The following TTLL11 variants were observed in gnomAD, a reference collection of about 807,000 sequenced individuals.
TTLL11 encodes the protein tubulin tyrosine ligase like 11.
A neutral mutation model predicts 51.7 loss-of-function variants in TTLL11; 42 were observed. The observed-to-expected ratio is 0.81, with a 90% CI of 0.64 to 1.05. The LOEUF is 1.05. TTLL11 is among the 50% of genes least tolerant of loss of function. TTLL11 has a pLI of 0.00. For missense variants in TTLL11, 799 were observed against 940.4 expected (o/e 0.85, Z 1.97); for synonymous variants, 381 against 383.5 (o/e 0.99, Z 0.08).
At chr9:122,057,268 A>G (rs1845311786) in intron 1 of TTLL11, among the ~76,000 whole-genome samples, 1 of 152,148 alleles carries the variant, frequency 6.6e-6, no homozygotes, top group South Asian at 2.1e-4. Context: ...TTCCAGGGAA[A>G]AATAGAAAAT....
chr9:121,893,394 A>G (rs1431921625), intron 6 of TTLL11, among the ~76,000 whole-genome samples: 1 of 151,994 alleles, frequency 6.6e-6, no homozygotes, highest in Non-Finnish European at 1.5e-5. Context: ...GAGATTTAAC[A>G]TAGTTGTGAC....
chr9:121,871,042 T>C (rs974232738), intron 6 of TTLL11, among the ~76,000 whole-genome samples: 4 of 152,190 alleles, frequency 2.6e-5, no homozygotes, highest in Non-Finnish European at 5.9e-5. Context: ...GAATACTCTG[T>C]TATGTAGCAG....
At position 122,039,970 on chromosome 9, in the gene TTLL11, C is replaced by T. The variant is rs968781693; in HGVS notation, c.463-602G>A. On this transcript the variant is annotated intron_variant, in intron 1 of 8. Transcript: ENST00000321582. Reference sequence around the variant, plus strand: ...AGGGCCTAAAACAGTTCCCCAAACTCGTAAAGACTTCCTGAATTAATAAAT... The same window carrying T: ...AGGGCCTAAAACAGTTCCCCAAACTTGTAAAGACTTCCTGAATTAATAAAT... Among the ~76,000 whole-genome samples the T allele has an allele frequency of 2.6e-5, 4 of 152,038 alleles. No individual in the cohort carries two copies. The South Asian group carries it at 6.2e-4, about 24-fold the overall frequency.
intron 1 of TTLL11, among the ~76,000 whole-genome samples, chr9:122,087,084 G>T (rs1309162000): frequency 6.6e-6 from 1 of 152,232 alleles, no homozygotes; most frequent in African/African-American, 2.4e-5. Flanking sequence ...GTGTGGCCAT[G>T]GGCTGGCCCT....
At position 121,853,074 on chromosome 9, in the gene TTLL11, C is replaced by T. The variant is rs765291852; in HGVS notation, c.1840+7263G>A. On this transcript the variant is annotated intron_variant, in intron 8 of 8. Coordinates refer to ENST00000321582, the MANE Select transcript of TTLL11 (RefSeq NM_001139442.2). This position sits in a 1 kb window ranked among gnomAD's most constrained non-coding sequence, Gnocchi z 5.6. ...CATTTCAGCTGGGGCTTACTCCAGC[C>T]GATGTGAGCAGAGGCGTCAGATGAC... Among the ~76,000 whole-genome samples the T allele has an allele frequency of 1.3e-5, 2 of 152,160 alleles. No homozygotes were observed. The highest frequency in any genetic ancestry group is 2.9e-5 in the Non-Finnish European group (2 of 68,036).
At chr9:121,856,540 A>G (rs1451365328) in intron 8 of TTLL11, among the ~76,000 whole-genome samples, 1 of 151,146 alleles carries the variant, frequency 6.6e-6, no homozygotes, top group Non-Finnish European at 1.5e-5. Context: ...TGTTCAGTAA[A>G]TGGTCTCTTT....
chr9:121,822,811 G>A lies in TTLL11; in HGVS notation c.1909C>T (p.Leu637Phe). 2 of 1,551,722 alleles carry A rather than the reference G, an allele frequency of 1.3e-6. No individual in the cohort carries two copies. Among genetic ancestry groups the A allele is most frequent in the African/African-American group, 1.4e-5 (1 of 73,186 alleles). The change falls in exon 9 of 9, where the codon CTT becomes TTT. Residue 637 changes from leucine (L) to phenylalanine (F), a missense_variant. Coordinates refer to ENST00000321582, the MANE Select transcript of TTLL11 (RefSeq NM_001139442.2). This position sits in a 1 kb window ranked among gnomAD's most constrained non-coding sequence, Gnocchi z 5.8. ...ATCAGTGAGGCCACCTGCTCATGAA[G>A]TGGCAGCATCTTGAACTTCCTCTGA... ...LAQRKFKMLP[L>F]HEQVASLIDL... is the part of the protein sequence containing the mutation.
intron 6 of TTLL11, among the ~76,000 whole-genome samples, chr9:121,950,085 C>T (rs1420651835): frequency 1.3e-5 from 2 of 152,174 alleles, no homozygotes; most frequent in African/African-American, 4.8e-5. Context: ...CCAAAGCTTG[C>T]ATCAGGTCAC....
In TTLL11 at chr9:122,039,293, C is replaced by A; in HGVS notation, c.538G>T (p.Gly180Cys). ...VSFHDNDIFS[G>C]QVNKFPGMTE... ...ATACCTGGAAACTTGTTCACTTGAC[C>A]GGAGAATATGTCATTGTCGTGAAAT... Residue 180 changes from glycine (G) to cysteine (C), a missense_variant, in exon 2 of 9, where the codon GGT (glycine) becomes TGT (cysteine). Transcript: ENST00000321582. 2.5e-6 allele frequency: 4 copies of A among 1,613,700 alleles called. No individual in the cohort carries two copies. Among genetic ancestry groups the A allele is most frequent in the Middle Eastern group, 3.3e-4 (2 of 6,058 alleles).
intron 3 of TTLL11, among the ~76,000 whole-genome samples, chr9:122,010,060 AG>A (rs1843754009): frequency 2.0e-5 from 3 of 152,098 alleles, no homozygotes; most frequent in Admixed American, 6.6e-5. Context: ...ACTAGTATTG[AG>A]CTTTATTATG....
intron 3 of TTLL11, among the ~76,000 whole-genome samples, chr9:122,011,246 T>C (rs1694205431): frequency 6.6e-6 from 1 of 152,210 alleles, no homozygotes; most frequent in African/African-American, 2.4e-5. Context: ...TATGAGTCCA[T>C]TAAACCTCTT....
In TTLL11 at chr9:121,831,275, G is replaced by A. The variant is rs898559194; in HGVS notation, c.1841-8396C>T. On this transcript the variant is annotated intron_variant, in intron 8 of 8. Coordinates refer to ENST00000321582, the MANE Select transcript of TTLL11 (RefSeq NM_001139442.2). ...TGGGGATTCTGTCTGTTGGCGATGA[G>A]GCCCCAGAAACTGCATTTGTAACAG... Among the ~76,000 whole-genome samples, 19 of 152,330 alleles carry A rather than the reference G, an allele frequency of 1.2e-4. No homozygotes were observed. In the East Asian group the frequency reaches 3.7e-3, roughly 29 times the overall value.
chr9:121,960,665 T>C (rs1842192334), intron 6 of TTLL11, among the ~76,000 whole-genome samples: 1 of 152,216 alleles, frequency 6.6e-6, no homozygotes, highest in Non-Finnish European at 1.5e-5. Context: ...CACGTATGCA[T>C]ACTTGCATTC....
Position 121,921,448 on chromosome 9 carries a change from T to A in TTLL11, c.1482-50700A>T, listed in dbSNP as rs555903070. On this transcript the variant is annotated intron_variant, in intron 6 of 8. Coordinates refer to ENST00000321582, the MANE Select transcript of TTLL11 (RefSeq NM_001139442.2). ...ACTCCCGAGAATCATGAGATTTGTT[T>A]TATAAAAAAAACTCGCCACAGGATT... Among the ~76,000 whole-genome samples, 1,086 of 152,230 alleles carry A rather than the reference T, an allele frequency of 7.1e-3. 6 individuals carry two copies. The highest frequency in any genetic ancestry group is 0.013 in the Non-Finnish European group (873 of 67,998).
intron 6 of TTLL11, among the ~76,000 whole-genome samples, chr9:121,919,134 C>T (rs1449027203): frequency 6.6e-6 from 1 of 152,152 alleles, no homozygotes; most frequent in African/African-American, 2.4e-5. Flanking sequence ...GTCCACCTGA[C>T]ATATTTTACA....
Position 121,860,317 on chromosome 9 carries a change from C to A in TTLL11, c.1840+20G>T. 1 of 1,543,220 alleles carries A rather than the reference C, an allele frequency of 6.5e-7. No homozygotes were observed. Among genetic ancestry groups the A allele is most frequent in the South Asian group, 1.2e-5 (1 of 83,496 alleles). On this transcript the variant is annotated intron_variant, in intron 8 of 8. Transcript: ENST00000321582. ...CTGTCAGGACCCCCACAGGCCATGG[C>A]AGAGGCATTTGTCAAATACCTGAGT...
At chr9:122,066,461 G>A (rs1276251561) in intron 1 of TTLL11, among the ~76,000 whole-genome samples, 1 of 152,084 alleles carries the variant, frequency 6.6e-6, no homozygotes, top group Non-Finnish European at 1.5e-5. Flanking sequence ...TTAGAACTAA[G>A]GGGTGGAGAC....
chr9:121,994,428 G>A (rs1484763119), intron 3 of TTLL11, among the ~76,000 whole-genome samples: 2 of 152,168 alleles, frequency 1.3e-5, no homozygotes, highest in Non-Finnish European at 2.9e-5. Flanking sequence ...TTATGGGTCA[G>A]GCACTGTTCT....
At chr9:122,092,409 C>T (rs1846285230) in intron 1 of TTLL11, among the ~76,000 whole-genome samples, 1 of 152,110 alleles carries the variant, frequency 6.6e-6, no homozygotes, top group Non-Finnish European at 1.5e-5. Context: ...CAAGCAGAGG[C>T]AAATGCTGAT....
Sources: allele counts gnomAD v4.1 joint callset (sites outside exome capture counted in the v4.1 genomes callset), GRCh38; gene constraint gnomAD v4.1.1; non-coding constraint Gnocchi (gnomAD v3.1); transcripts MANE v1.5; gene names NCBI Gene and HGNC (gene_info 2026-07-23, HGNC 2026-07-21).